The following LARP1B variants were observed in gnomAD, a reference collection of about 807,000 sequenced individuals.
LARP1B encodes the protein La ribonucleoprotein 1B.
In LARP1B, 76 loss-of-function variants were observed where a neutral mutation model predicts 114.2. That is an observed-to-expected ratio of 0.67 (90% CI 0.55 to 0.81). The LOEUF is 0.81. Ranked by LOEUF, LARP1B falls within the 30% of genes least tolerant of loss-of-function variation. The pLI, the probability that LARP1B is intolerant of heterozygous loss-of-function variation, is 0.00. For synonymous variants in LARP1B, 345 were observed against 348.0 expected (o/e 0.99, Z 0.10); for missense variants, 1,014 against 1,075.8 (o/e 0.94, Z 0.80).
intron 18 of LARP1B, chr4:128,206,816 A>G (rs1236815905): frequency 1.0e-6 from 1 of 985,420 alleles, no homozygotes; most frequent in Non-Finnish European, 1.2e-6. Context: ...GTTCCGTTAC[A>G]TGAAAATTCT....
At chr4:128,086,563 A>G (rs1353429435) in intron 5 of LARP1B, among the ~76,000 whole-genome samples, 1 of 151,912 alleles carries the variant, frequency 6.6e-6, no homozygotes. Flanking sequence ...TCTTGGGCCC[A>G]AGCGATCTTC....
At chr4:128,156,946 C>T (rs1342561892) in intron 11 of LARP1B, among the ~76,000 whole-genome samples, 3 of 148,786 alleles carry the variant, frequency 2.0e-5, no homozygotes, top group African/African-American at 7.4e-5. Context: ...TCATTTCCCT[C>T]AGACTCATCT....
intron 11 of LARP1B, among the ~76,000 whole-genome samples, chr4:128,152,889 T>G (rs1373205752): frequency 6.6e-6 from 1 of 151,918 alleles, no homozygotes; most frequent in Non-Finnish European, 1.5e-5. Flanking sequence ...GCCCTCTTCC[T>G]TTTTTACTTT....
chr4:128,114,496 G>GA (rs1290596152), intron 9 of LARP1B, 74 bp from the exon 10 acceptor site: 1 of 1,131,010 alleles, frequency 8.8e-7, no homozygotes, highest in Non-Finnish European at 1.3e-6. Context: ...CCCAGTTAAG[G>GA]AAAAAATGAA....
At chr4:128,073,087 T>C (rs898868767) in intron 1 of LARP1B, among the ~76,000 whole-genome samples, 2 of 152,114 alleles carry the variant, frequency 1.3e-5, no homozygotes, top group Non-Finnish European at 2.9e-5. Context: ...TTAAAAGTTA[T>C]ATACATTTTA....
intron 12 of LARP1B, among the ~76,000 whole-genome samples, chr4:128,176,285 G>GTATATATA (rs71587371): frequency 7.2e-6 from 1 of 138,304 alleles, no homozygotes; most frequent in Admixed American, 7.6e-5. Context: ...GTGTGTGTGT[G>GTATATATA]TATATATATA....
At chr4:128,203,071 G>T (rs1756481188) in intron 17 of LARP1B, among the ~76,000 whole-genome samples, 1 of 152,016 alleles carries the variant, frequency 6.6e-6, no homozygotes, top group African/African-American at 2.4e-5. Context: ...GGTGGCCTGC[G>T]CTTATAGCTG....
In LARP1B at chr4:128,115,855, C is replaced by T. The variant is rs1347097990; in HGVS notation, c.1161+1113C>T. 2.6e-5 allele frequency among the ~76,000 whole-genome samples: 4 copies of T among 152,308 alleles called. No individual in the cohort carries two copies. In the East Asian group the frequency reaches 5.8e-4, roughly 22 times the overall value. On this transcript the variant is annotated intron_variant, in intron 10 of 19. Transcript: ENST00000326639. ...TGTGTTTCTGGTAGAGACGGGATTA[C>T]ACCATATTGTCCAGGCTGGTCTCAA...
At chr4:128,071,191 C>T (rs1374190279) in intron 1 of LARP1B, among the ~76,000 whole-genome samples, 3 of 151,654 alleles carry the variant, frequency 2.0e-5, no homozygotes, top group East Asian at 3.9e-4. Flanking sequence ...GGACTACAGG[C>T]GCCCGCCACC....
chr4:128,110,780 C>T (rs1262678595), intron 9 of LARP1B, among the ~76,000 whole-genome samples: 1 of 147,810 alleles, frequency 6.8e-6, no homozygotes, highest in Non-Finnish European at 1.5e-5. Context: ...TGTACGTTTT[C>T]TTGTCTTACC....
Position 128,194,233 on chromosome 4 carries a change from C to T in LARP1B, c.2004-5206C>T, listed in dbSNP as rs776272664. On this transcript the variant is annotated intron_variant, in intron 15 of 19. Transcript: ENST00000326639. Reference sequence around the variant, plus strand: ...GATTACAGGTGCCCGCTACCACACCCGGCTAATTTTTGTATTTTAATAGAG... The same window carrying T: ...GATTACAGGTGCCCGCTACCACACCTGGCTAATTTTTGTATTTTAATAGAG... Among the ~76,000 whole-genome samples, 418 of 152,064 alleles carry T rather than the reference C, an allele frequency of 2.7e-3. 4 individuals carry two copies. Among genetic ancestry groups the T allele is most frequent in the South Asian group, 1.0e-3 (5 of 4,816 alleles).
chr4:128,209,970 C>T lies in LARP1B; in HGVS notation c.2662C>T (p.Pro888Ser). 1 of 1,614,098 alleles carries T rather than the reference C, an allele frequency of 6.2e-7. No individual in the cohort carries two copies. Among genetic ancestry groups the T allele is most frequent in the Non-Finnish European group, 8.5e-7 (1 of 1,179,972 alleles). Residue 888 changes from proline (P) to serine (S), a missense_variant, in exon 20 of 20, where the codon CCT becomes TCT. Physicochemically the swap from Pro to Ser is moderately conservative, Grantham distance 74. Coordinates refer to ENST00000326639, the MANE Select transcript of LARP1B (RefSeq NM_018078.4). ...SSTKPPNAAK[P>S]TSTSELQVPI... ...TACAAAGCCACCAAATGCTGCTAAA[C>T]CTACATCTACCAGTGAGCTTCAGGT...
At chr4:128,069,955 T>A (rs150745745) in intron 1 of LARP1B, among the ~76,000 whole-genome samples, 320 of 152,272 alleles carry the variant, frequency 2.1e-3, no homozygotes, top group African/African-American at 7.3e-3. Flanking sequence ...CCATTTTAAG[T>A]AAGTTATATA....
At chr4:128,145,314 A>C (rs1729865426) in intron 11 of LARP1B, among the ~76,000 whole-genome samples, 1 of 152,110 alleles carries the variant, frequency 6.6e-6, no homozygotes, top group African/African-American at 2.4e-5. Flanking sequence ...GCATGGCTTC[A>C]TTTCTAAGCT....
intron 1 of LARP1B, among the ~76,000 whole-genome samples, chr4:128,073,523 CAA>C (rs200125031): frequency 3.4e-4 from 38 of 110,212 alleles, no homozygotes; most frequent in East Asian, 5.9e-4. Context: ...GACTCTGTCT[CAA>C]AAAAAAAAAA....
intron 9 of LARP1B, chr4:128,108,378 G>A: frequency 1.0e-6 from 1 of 988,122 alleles, no homozygotes. Context: ...CTCAGATATT[G>A]TCATGATGTT....
intron 1 of LARP1B, among the ~76,000 whole-genome samples, chr4:128,073,631 C>T (rs1417246267): frequency 1.0e-5 from 1 of 96,488 alleles, no homozygotes; most frequent in African/African-American, 4.0e-5. Flanking sequence ...AGCTCTGTCG[C>T]CCCAGCTGGA....
At chr4:128,126,824 A>G (rs1554029575) in intron 11 of LARP1B, among the ~76,000 whole-genome samples, 1 of 151,288 alleles carries the variant, frequency 6.6e-6, no homozygotes, top group Admixed American at 6.6e-5. Context: ...TTTTTTTTTA[A>G]AAAAAGGTAA....
At chr4:128,160,232 G>C (rs1188397491) in intron 11 of LARP1B, among the ~76,000 whole-genome samples, 3 of 152,216 alleles carry the variant, frequency 2.0e-5, no homozygotes, top group African/African-American at 7.2e-5. Context: ...CTCTGCTGTA[G>C]AGCCACAAAC....
Sources: gnomAD v4.1 joint callset for allele counts (sites outside exome capture counted in the v4.1 genomes callset) on GRCh38, gnomAD v4.1.1 for gene constraint, MANE v1.5 for transcripts, NCBI Gene and HGNC (gene_info 2026-07-23, HGNC 2026-07-21) for gene names.